USP24: variants seen among roughly 807,000 people sequenced by gnomAD.
USP24 encodes ubiquitin carboxyl-terminal hydrolase 24.
USP24 carries 97 observed loss-of-function variants against 361.6 expected under a neutral mutation model. The ratio of observed to expected loss-of-function variants is 0.27; its 90% CI spans 0.23 to 0.32. The LOEUF (loss-of-function observed/expected upper bound fraction) is 0.32, where lower values mean the gene tolerates loss of function less well. USP24 is among the 10% of genes least tolerant of loss of function. USP24 has a pLI of 1.00. For missense variants in USP24, 2,353 were observed against 3,165.6 expected, an observed-to-expected ratio of 0.74 and a Z score of 6.16; for synonymous variants, 1,098 against 1,124.6, an observed-to-expected ratio of 0.98 and a Z score of 0.47.
chr1:55,073,805 C>T, intron 64 of USP24, 23 bp downstream of exon 64: 1 of 1,551,232 alleles, frequency 6.4e-7, no homozygotes, highest in Non-Finnish European at 8.7e-7. Flanking sequence ...CATTTCCTCC[C>T]TGCATTTTAA....
intron 48 of USP24, 68 bp from the exon 49 acceptor site, chr1:55,097,240 A>G: frequency 6.6e-7 from 1 of 1,513,464 alleles, no homozygotes; most frequent in East Asian, 2.3e-5. Flanking sequence ...CAGTTAAGTG[A>G]GATCCAAATA....
At chr1:55,079,762 C>T in intron 59 of USP24, 103 bp from the exon 60 acceptor site, 2 of 1,424,370 alleles carry the variant, frequency 1.4e-6, no homozygotes, top group Non-Finnish European at 1.8e-6. Context: ...CTCGCACACA[C>T]ACTGAGTACT....
intron 1 of USP24, among the ~76,000 whole-genome samples, chr1:55,202,313 G>A (rs573419324): frequency 1.3e-5 from 2 of 152,138 alleles, no homozygotes; most frequent in East Asian, 3.9e-4. Flanking sequence ...GAACGAAAAG[G>A]CTATTTTAAG....
intron 63 of USP24, 95 bp downstream of exon 63, chr1:55,075,362 T>C: frequency 8.3e-7 from 1 of 1,199,102 alleles, no homozygotes; most frequent in Non-Finnish European, 1.2e-6. Context: ...TCACTGTAGA[T>C]CCCACCGAGA....
At chr1:55,154,066 C>T (rs765381609) in intron 15 of USP24, 53 bp downstream of exon 15, 5 of 1,607,826 alleles carry the variant, frequency 3.1e-6, no homozygotes, top group Non-Finnish European at 4.2e-6. Context: ...GCTCTAATTA[C>T]TCAGGGAATA....
chr1:55,090,034 TTCA>T (rs1232746358), intron 54 of USP24, among the ~76,000 whole-genome samples: 1 of 152,236 alleles, frequency 6.6e-6, no homozygotes, highest in Non-Finnish European at 1.5e-5. Context: ...CTTCTGCATC[TTCA>T]TCAAACAACT....
At chr1:55,100,817 C>A in intron 44 of USP24, 22 bp downstream of exon 44, 1 of 1,582,412 alleles carries the variant, frequency 6.3e-7, no homozygotes, top group South Asian at 1.2e-5. Flanking sequence ...CTTTAAATCT[C>A]AAGAGTTACT....
chr1:55,186,906 T>C lies in USP24; in HGVS notation c.325-8774A>G, dbSNP rs1644147484. Among the ~76,000 whole-genome samples the C allele has an allele frequency of 2.6e-5, 4 of 152,222 alleles. No homozygotes were observed. In the South Asian group the frequency reaches 8.3e-4, roughly 32 times the overall value. ...ACAGAACTGTACACTTAAAAATGAA[T>C]AAAATGGTAAATTTTATGTTATGTA... On this transcript the variant is annotated intron_variant, in intron 1 of 67. Coordinates refer to ENST00000294383, the MANE Select transcript of USP24 (RefSeq NM_015306.3).
intron 10 of USP24, among the ~76,000 whole-genome samples, chr1:55,158,183 C>A (rs1341581336): frequency 3.3e-5 from 5 of 152,234 alleles, no homozygotes; most frequent in Non-Finnish European, 7.3e-5. Context: ...GGTCAGCTTG[C>A]AAATTCTAGT....
rs756266222 is a variant in USP24, at chr1:55,100,893, A to G, written c.5217T>C (p.Phe1739=). The part of the protein sequence containing the change: ...DSVFYQVQSL[F]GHLMESKLQY... ...GCAGCTTGCTTTCCATTAAATGTCC[A>G]AAGAGAGACTGCACTTGGTAAAACA... The change falls in exon 44 of 68, where the codon TTT becomes TTC. Residue 1739 remains phenylalanine, a synonymous_variant. Coordinates refer to ENST00000294383, the MANE Select transcript of USP24 (RefSeq NM_015306.3). 7 of 1,613,614 alleles carry G rather than the reference A, an allele frequency of 4.3e-6. No individual in the cohort carries two copies. The African/African-American group carries it at 8.0e-5, about 18-fold the overall frequency.
At chr1:55,132,016 T>C (rs1192001778) in intron 31 of USP24, among the ~76,000 whole-genome samples, 1 of 152,248 alleles carries the variant, frequency 6.6e-6, no homozygotes. Context: ...GTCTTACTCA[T>C]AAGATCTTGG....
chr1:55,176,005 T>A (rs2100817007), intron 3 of USP24, among the ~76,000 whole-genome samples: 1 of 152,320 alleles, frequency 6.6e-6, no homozygotes, highest in South Asian at 2.1e-4. Flanking sequence ...AAGTGTATAC[T>A]GTCTTTCTAA....
At chr1:55,115,623 T>C (rs534339044) in intron 38 of USP24, among the ~76,000 whole-genome samples, 1 of 151,560 alleles carries the variant, frequency 6.6e-6, no homozygotes, top group East Asian at 2.0e-4. Flanking sequence ...TCCTTAAGGA[T>C]CTAGAACCAG....
chr1:55,121,368 G>T, intron 37 of USP24, 68 bp downstream of exon 37: 1 of 1,393,658 alleles, frequency 7.2e-7, no homozygotes, highest in Non-Finnish European at 1.0e-6. Flanking sequence ...CAATGTCACA[G>T]GTAGTTGAGA....
chr1:55,128,593 G>C (rs973286082), intron 32 of USP24, among the ~76,000 whole-genome samples: 3 of 151,560 alleles, frequency 2.0e-5, no homozygotes, highest in Admixed American at 1.3e-4. Context: ...TAGCTCAACA[G>C]TCATTTTCTG....
intron 7 of USP24, among the ~76,000 whole-genome samples, chr1:55,162,890 T>G (rs1345315492): frequency 6.6e-6 from 1 of 152,060 alleles, no homozygotes; most frequent in African/African-American, 2.4e-5. Context: ...GAAGTGACAC[T>G]ACCAGTAATG....
At chr1:55,146,415 G>C (rs908370436) in intron 19 of USP24, among the ~76,000 whole-genome samples, 1 of 152,110 alleles carries the variant, frequency 6.6e-6, no homozygotes, top group Non-Finnish European at 1.5e-5. Context: ...GAAGCCTTTC[G>C]ACAAGTCTAG....
chr1:55,208,344 T>C (rs1274969749), intron 1 of USP24, among the ~76,000 whole-genome samples: 2 of 152,144 alleles, frequency 1.3e-5, no homozygotes, highest in African/African-American at 4.8e-5. Flanking sequence ...AACAATAATG[T>C]TGGCCAGGTG....
chr1:55,162,708 C>G (rs902093423), intron 7 of USP24, among the ~76,000 whole-genome samples: 2 of 152,038 alleles, frequency 1.3e-5, no homozygotes, highest in Non-Finnish European at 2.9e-5. Flanking sequence ...ATGGAAAAGA[C>G]CATTATTGTA....
Sources: gnomAD v4.1 joint callset for allele counts (sites outside exome capture counted in the v4.1 genomes callset) on GRCh38, gnomAD v4.1.1 for gene constraint, MANE v1.5 for transcripts, NCBI Gene and HGNC (gene_info 2026-07-23, HGNC 2026-07-21) for gene names.